The following FOCAD variants were observed in gnomAD, a reference collection of about 807,000 sequenced individuals.
FOCAD encodes focadhesin, also known as KIAA1797.
Under a neutral mutation model 225.6 loss-of-function variants are expected in FOCAD, and 198 were observed. That is an observed-to-expected ratio of 0.88 (90% CI 0.78 to 0.99). The LOEUF (loss-of-function observed/expected upper bound fraction) is 0.99. Among genes scored for constraint, FOCAD ranks in the 50% least tolerant of loss-of-function variants. The pLI is 0.00. For missense variants in FOCAD, 2,713 were observed against 2,123.6 expected, an observed-to-expected ratio of 1.28 and a Z score of -5.46; for synonymous variants, 897 against 755.0, an observed-to-expected ratio of 1.19 and a Z score of -3.08.
chr9:20,723,215 C>T (rs188318778), intron 4 of FOCAD, among the ~76,000 whole-genome samples: 18 of 152,254 alleles, frequency 1.2e-4, no homozygotes, highest in African/African-American at 4.1e-4. Flanking sequence ...GGGTGAGGTG[C>T]GGTGACTCAT....
At chr9:20,951,137 G>A in intron 34 of FOCAD, 39 bp downstream of exon 34, 2 of 1,514,518 alleles carry the variant, frequency 1.3e-6, no homozygotes, top group Non-Finnish European at 9.2e-7. Context: ...CTGGAAGGGA[G>A]GGATTGCCGA....
At chr9:20,942,287 C>T (rs1214358347) in intron 28 of FOCAD, among the ~76,000 whole-genome samples, 1 of 152,122 alleles carries the variant, frequency 6.6e-6, no homozygotes, top group Non-Finnish European at 1.5e-5. Context: ...AGCCTTAATA[C>T]ATCTATCTCC....
At chr9:20,965,303 C>T (rs1379946960) in intron 35 of FOCAD, among the ~76,000 whole-genome samples, 1 of 152,100 alleles carries the variant, frequency 6.6e-6, no homozygotes, top group Non-Finnish European at 1.5e-5. Context: ...AGCAATGATT[C>T]TGACTTCAAC....
At chr9:20,761,962 C>G (rs1829642833) in intron 6 of FOCAD, among the ~76,000 whole-genome samples, 1 of 152,110 alleles carries the variant, frequency 6.6e-6, no homozygotes, top group African/African-American at 2.4e-5. Context: ...CATGCAGAAT[C>G]TAAAATCAGA....
chr9:20,920,876 G>A (rs1351131743), intron 24 of FOCAD, among the ~76,000 whole-genome samples: 133 of 151,246 alleles, frequency 8.8e-4, no homozygotes, highest in African/African-American at 2.9e-3. Context: ...TGACGAGTTA[G>A]TGGGTGCAGC....
chr9:20,966,978 T>C (rs922108018), intron 35 of FOCAD, among the ~76,000 whole-genome samples: 3 of 151,830 alleles, frequency 2.0e-5, no homozygotes, highest in Non-Finnish European at 1.5e-5. Context: ...TTTTTCTTTT[T>C]TCAAGATATT....
At chr9:20,800,619 C>G (rs1173351738) in intron 11 of FOCAD, among the ~76,000 whole-genome samples, 3 of 152,250 alleles carry the variant, frequency 2.0e-5, no homozygotes, top group African/African-American at 4.8e-5. Context: ...CACTGATACC[C>G]TTTCTTCCAG....
chr9:20,811,348 A>C (rs1823053304), intron 11 of FOCAD, among the ~76,000 whole-genome samples: 1 of 152,072 alleles, frequency 6.6e-6, no homozygotes, highest in Non-Finnish European at 1.5e-5. Context: ...ATTTTCTACA[A>C]AGTGCTTAAC....
intron 21 of FOCAD, among the ~76,000 whole-genome samples, chr9:20,889,612 C>T (rs1831436953): frequency 6.6e-6 from 1 of 152,146 alleles, no homozygotes; most frequent in African/African-American, 2.4e-5. Context: ...TTTGTGCTTT[C>T]ACCGCAATGA....
Position 20,778,648 on chromosome 9 carries a change from T to C in FOCAD, c.907-33T>C, listed in dbSNP as rs757050710. ...AAAGCCATGATTCTGGGAACTTCTT[T>C]AACAACTCCTTTTTCCCCCTCTATT... On this transcript the variant is annotated intron_variant, in intron 8 of 43. Coordinates refer to ENST00000338382, the MANE Select transcript of FOCAD (RefSeq NM_001375567.1). 1.2e-5 allele frequency: 15 copies of C among 1,266,066 alleles called. No individual in the cohort carries two copies. The Admixed American group carries it at 1.2e-4, about 10-fold the overall frequency. 78.4% of individuals were successfully genotyped at this position (1,266,066 alleles called of 1,614,324 possible).
chr9:20,784,511 G>A (rs1819715919), intron 10 of FOCAD, among the ~76,000 whole-genome samples: 1 of 152,162 alleles, frequency 6.6e-6, no homozygotes, highest in Non-Finnish European at 1.5e-5. Flanking sequence ...AAGGGTGGAT[G>A]GGTGAGATGA....
rs550111294 is a variant in FOCAD, at chr9:20,929,745, C to G, written c.3317+149C>G. 7.1e-5 allele frequency: 45 copies of G among 633,972 alleles called. No homozygotes were observed. The Admixed American group carries it at 1.0e-3, about 14-fold the overall frequency. 39.3% of individuals were successfully genotyped at this position (633,972 alleles called of 1,614,324 possible). On this transcript the variant is annotated intron_variant, in intron 27 of 43. Coordinates refer to ENST00000338382, the MANE Select transcript of FOCAD (RefSeq NM_001375567.1). Reference sequence around the variant, plus strand: ...ATGGGCAAGTTGATCCTTTATTCTTCTTTAGGAGTAAATTTATCTATCTAA... The same window carrying G: ...ATGGGCAAGTTGATCCTTTATTCTTGTTTAGGAGTAAATTTATCTATCTAA...
At chr9:20,929,618 C>T (rs773407907) in intron 27 of FOCAD, 22 bp downstream of exon 27, 3 of 1,599,660 alleles carry the variant, frequency 1.9e-6, no homozygotes. Context: ...TAAAATATTC[C>T]TGCTTTTCTT....
chr9:20,974,625 A>G (rs59881003), intron 35 of FOCAD, among the ~76,000 whole-genome samples: 2 of 136,708 alleles, frequency 1.5e-5, no homozygotes, highest in South Asian at 2.3e-4. Context: ...TATGCTTCTC[A>G]TTTCTGCTGC....
At chr9:20,833,081 A>G (rs977057038) in intron 15 of FOCAD, among the ~76,000 whole-genome samples, 8 of 152,074 alleles carry the variant, frequency 5.3e-5, no homozygotes, top group African/African-American at 1.9e-4. Flanking sequence ...AAGAACCTCT[A>G]TACTGTTTTC....
intron 15 of FOCAD, among the ~76,000 whole-genome samples, chr9:20,833,476 C>T (rs1825709791): frequency 6.6e-6 from 1 of 152,064 alleles, no homozygotes; most frequent in Admixed American, 6.6e-5. Context: ...TCTACTTTCT[C>T]TTGATAAGAC....
chr9:20,974,870 C>A (rs1243257679), intron 35 of FOCAD, among the ~76,000 whole-genome samples: 1 of 152,090 alleles, frequency 6.6e-6, no homozygotes, highest in Non-Finnish European at 1.5e-5. Context: ...CTGCTTCTCC[C>A]ATCTTTCAGC....
In FOCAD at chr9:20,990,123, G is replaced by T; in HGVS notation, c.5005G>T (p.Ala1669Ser). 1 of 1,614,058 alleles carries T rather than the reference G, an allele frequency of 6.2e-7. No individual in the cohort carries two copies. ...AACGTCATTTCTATTTTCATCGTAG[G>T]CTTTGGACTTCTTCTTGCTGATATT... ...TSFHNTALDK[A>S]LDFFLLIFAT... Residue 1669 changes from alanine to serine, a missense_variant and splice_region_variant, in exon 42 of 44, where the codon GCT (alanine) becomes TCT (serine). Physicochemically the swap from Ala to Ser is moderately conservative, Grantham distance 99. Transcript: ENST00000338382.
intron 28 of FOCAD, among the ~76,000 whole-genome samples, chr9:20,933,987 T>C (rs1389099595): frequency 6.6e-6 from 1 of 152,220 alleles, no homozygotes; most frequent in Non-Finnish European, 1.5e-5. Context: ...TATACATTTG[T>C]TGGTCATTTG....
Sources: gnomAD v4.1 joint callset for allele counts (sites outside exome capture counted in the v4.1 genomes callset) on GRCh38, gnomAD v4.1.1 for gene constraint, MANE v1.5 for transcripts, NCBI Gene and HGNC (gene_info 2026-07-23, HGNC 2026-07-21) for gene names.